ANO7: variants seen among roughly 807,000 people sequenced by gnomAD.
ANO7 encodes anoctamin 7.
Under a neutral mutation model 115.8 loss-of-function variants are expected in ANO7, and 114 were observed. That is an observed-to-expected ratio of 0.98 (90% CI 0.85 to 1.15). The LOEUF is 1.15. ANO7 is among the 50% of genes most tolerant of loss of function. The pLI is 0.00. For missense variants in ANO7, 1,302 were observed against 1,201.2 expected (o/e 1.08, Z -1.24); for synonymous variants, 550 against 498.2 (o/e 1.10, Z -1.38).
the ANO7 span, chr2:241,235,035 A>C: frequency 1.3e-6 from 2 of 1,513,600 alleles, no homozygotes; most frequent in East Asian, 4.7e-5. Context: ...GGATGCTGGG[A>C]TCCTGAAGAA....
At chr2:241,235,232 A>G in the ANO7 span, 1 of 1,614,218 alleles carries the variant, frequency 6.2e-7, no homozygotes, top group Non-Finnish European at 8.5e-7. Flanking sequence ...ACTGCAGCTC[A>G]GGTGCCGGGA....
intron 2 of ANO7, among the ~76,000 whole-genome samples, chr2:241,190,982 G>A (rs972114892): frequency 1.8e-4 from 28 of 152,212 alleles, no homozygotes; most frequent in African/African-American, 6.3e-4. Context: ...GCCGCTCCCC[G>A]CGCCTGCGCA....
Position 241,220,321 on chromosome 2 carries a change from G to A in ANO7, c.2321+1940G>A, listed in dbSNP as rs78059377. 6.8e-3 allele frequency among the ~76,000 whole-genome samples: 1,038 copies of A among 152,278 alleles called. 10 individuals are homozygous for A. The highest frequency in any genetic ancestry group is 0.024 in the African/African-American group (977 of 41,538). On this transcript the variant is annotated intron_variant, in intron 21 of 24. Coordinates refer to ENST00000674324, the MANE Select transcript of ANO7 (RefSeq NM_001370694.2). ...TCAAATAGCGGATATAAAAGTATAG[G>A]TCGAGTTATTTTCTCTCAGTTCTTT...
chr2:241,210,635 G>T, intron 15 of ANO7, 65 bp downstream of exon 15: 1 of 1,379,464 alleles, frequency 7.2e-7, no homozygotes, highest in East Asian at 2.3e-5. Context: ...CAGCCAGAAC[G>T]TGACTTTCTC....
At chr2:241,200,356 G>A (rs1372572554) in intron 6 of ANO7, 131 bp downstream of exon 6, 1 of 1,255,596 alleles carries the variant, frequency 8.0e-7, no homozygotes, top group African/African-American at 1.5e-5. Flanking sequence ...CTGAGGCCAG[G>A]TGCGCACGCT....
chr2:241,219,498 T>G (rs577035053), intron 21 of ANO7, among the ~76,000 whole-genome samples: 35 of 152,258 alleles, frequency 2.3e-4, no homozygotes, highest in Admixed American at 5.9e-4. Context: ...ATTCTTTTGC[T>G]TATTTGGAAC....
the ANO7 span, chr2:241,236,622 G>A: frequency 6.2e-7 from 1 of 1,614,024 alleles, no homozygotes; most frequent in Non-Finnish European, 8.5e-7. Context: ...TACCTCCAGA[G>A]CTTCCTTGGC....
the ANO7 span, chr2:241,236,897 G>A: frequency 3.5e-6 from 3 of 861,782 alleles, no homozygotes; most frequent in Non-Finnish European, 5.3e-6. Flanking sequence ...AACCACTCCT[G>A]TCCTTCAGGA....
Position 241,212,433 on chromosome 2 carries a change from T to G in ANO7, c.1674-139T>G, listed in dbSNP as rs1574785790. On this transcript the variant is annotated intron_variant, in intron 16 of 24. Transcript: ENST00000674324. ...CTCGGGGGTCCACAGGAGGCCCAGC[T>G]CACAACCGGGACTCTACGCCACAGT... is the stretch of plus-strand genomic sequence containing the variant. 4.8e-6 allele frequency: 5 copies of G among 1,051,810 alleles called. No individual in the cohort carries two copies. The East Asian group carries it at 1.0e-4, about 22-fold the overall frequency. 65.2% of individuals were successfully genotyped at this position (1,051,810 alleles called of 1,614,324 possible).
intron 15 of ANO7, among the ~76,000 whole-genome samples, chr2:241,211,661 T>G (rs2068723094): frequency 6.6e-6 from 1 of 152,166 alleles, no homozygotes; most frequent in Non-Finnish European, 1.5e-5. Context: ...GGTAGGGCTC[T>G]GAGGGGAGCC....
the ANO7 span, among the ~76,000 whole-genome samples, chr2:241,232,189 G>GA: frequency 2.0e-5 from 3 of 152,084 alleles, no homozygotes; most frequent in Non-Finnish European, 2.9e-5. Flanking sequence ...CAGCTCACAG[G>GA]AAAAAGCTGC....
the ANO7 span, chr2:241,239,521 G>C: frequency 4.3e-6 from 5 of 1,151,304 alleles, no homozygotes; most frequent in Admixed American, 7.0e-5. The surrounding 1 kb of genome is among the most constrained non-coding windows in gnomAD (Gnocchi z 4.6). Flanking sequence ...CTCCCTACAG[G>C]GTGGAGCGAA....
At chr2:241,226,136 T>G (rs898093770), downstream of ANO7, among the ~76,000 whole-genome samples, 4 of 151,726 alleles carry the variant, frequency 2.6e-5, no homozygotes, top group African/African-American at 9.7e-5. Context: ...TGTGACCCTC[T>G]CCCATCCAGG....
intron 15 of ANO7, 135 bp from the exon 16 acceptor site, chr2:241,211,959 T>C (rs542922021): frequency 9.3e-6 from 6 of 644,734 alleles, no homozygotes; most frequent in Non-Finnish European, 1.7e-5. Flanking sequence ...TCACACTTTG[T>C]CTCCTTCTTT....
At chr2:241,200,645 C>T (rs1036719898) in intron 6 of ANO7, among the ~76,000 whole-genome samples, 1 of 152,252 alleles carries the variant, frequency 6.6e-6, no homozygotes, top group African/African-American at 2.4e-5. Flanking sequence ...ACACGTGTGT[C>T]GTCCACACAC....
At chr2:241,220,490 A>G (rs1028763696) in intron 21 of ANO7, among the ~76,000 whole-genome samples, 1 of 151,906 alleles carries the variant, frequency 6.6e-6, no homozygotes, top group Non-Finnish European at 1.5e-5. Context: ...TGAGGTCAGG[A>G]GTTCGAGACC....
chr2:241,218,142 G>A, intron 20 of ANO7, 97 bp from the exon 21 acceptor site: 7 of 635,870 alleles, frequency 1.1e-5, no homozygotes, highest in Non-Finnish European at 1.3e-5. Flanking sequence ...GGGCGCGCAG[G>A]GGCGGGGCGG....
rs201747976 is a variant in ANO7 at position 241,222,591 on chromosome 2, G to GT, written c.2322-587dup. On this transcript the variant is annotated intron_variant, in intron 21 of 24. Transcript: ENST00000674324. ...TTTAACTTGCAATATTTGGTTTTTT[G>GT]TTTTTTTTATTTTCCTACAAAGTTG... Among the ~76,000 whole-genome samples the GT allele has an allele frequency of 4.9e-3, 739 of 151,640 alleles. 12 individuals are homozygous for GT. Among genetic ancestry groups the GT allele is most frequent in the African/African-American group, 0.016 (672 of 41,324 alleles).
chr2:241,193,142 G>A (rs1337966449), intron 3 of ANO7, among the ~76,000 whole-genome samples: 4 of 151,752 alleles, frequency 2.6e-5, no homozygotes, highest in South Asian at 4.2e-4. Flanking sequence ...GCACAATCTC[G>A]GCTCACTGCA....
Sources: allele counts gnomAD v4.1 joint callset (sites outside exome capture counted in the v4.1 genomes callset), GRCh38; gene constraint gnomAD v4.1.1; non-coding constraint Gnocchi (gnomAD v3.1); transcripts MANE v1.5; gene names NCBI Gene and HGNC (gene_info 2026-07-23, HGNC 2026-07-21).